The following ATG7 variants were observed in gnomAD, a reference collection of about 807,000 sequenced individuals.
ATG7 encodes autophagy related 7, also known as ubiquitin-like modifier-activating enzyme ATG7.
ATG7 carries 70 observed loss-of-function variants against 82.4 expected under a neutral mutation model. The observed-to-expected ratio is 0.85, with a 90% CI of 0.70 to 1.04. ATG7 has a LOEUF of 1.04. ATG7 is among the 50% of genes least tolerant of loss of function. The probability of loss-of-function intolerance (pLI) is 0.00; values close to 1 mark genes in which losing one functional copy is unlikely to be tolerated. For missense variants in ATG7, 792 were observed against 864.3 expected (o/e 0.92, Z 1.05); for synonymous variants, 287 against 313.0 (o/e 0.92, Z 0.88).
At position 11,400,246 on chromosome 3, in the gene ATG7, A is replaced by T. The variant is rs138604622; in HGVS notation, c.1956+20194A>T. ...CTTAGGCTGTAAGAGACTGAGTCCA[A>T]TGTAAGTTTTCAATAATTTACCCAC... On this transcript the variant is annotated intron_variant, in intron 19 of 20. Coordinates refer to ENST00000693202, the MANE Select transcript of ATG7 (RefSeq NM_001349232.2). Among the ~76,000 whole-genome samples the T allele has an allele frequency of 2.4e-3, 366 of 152,306 alleles. 1 individual carries two copies. Among genetic ancestry groups the T allele is most frequent in the African/African-American group, 7.8e-3 (325 of 41,574 alleles).
chr3:11,283,378 GCTGTATGCCAGGCA>G (rs1157892633), intron 3 of ATG7, among the ~76,000 whole-genome samples: 1 of 152,178 alleles, frequency 6.6e-6, no homozygotes, highest in Non-Finnish European at 1.5e-5. Context: ...TTGACTGCTT[GCTGTATGCCAGGCA>G]CTGTAGCAAG....
chr3:11,521,901 G>C (rs2092453261), intron 20 of ATG7, among the ~76,000 whole-genome samples: 1 of 152,132 alleles, frequency 6.6e-6, no homozygotes, highest in South Asian at 2.1e-4. Context: ...AATGACTCTA[G>C]ACTGCCGCCG....
intron 4 of ATG7, 63 bp from the exon 5 acceptor site, chr3:11,299,299 T>A: frequency 6.7e-7 from 1 of 1,502,954 alleles, no homozygotes; most frequent in South Asian, 1.1e-5. Flanking sequence ...TTCATAAGCA[T>A]TTTTGTTATG....
chr3:11,497,883 G>A (rs1392561018), intron 20 of ATG7, among the ~76,000 whole-genome samples: 4 of 152,106 alleles, frequency 2.6e-5, no homozygotes, highest in Non-Finnish European at 5.9e-5. Context: ...AATGGTTCAC[G>A]AAAGTTGAAA....
intron 9 of ATG7, among the ~76,000 whole-genome samples, chr3:11,321,694 G>A (rs1465759384): frequency 3.3e-5 from 5 of 152,148 alleles, no homozygotes; most frequent in African/African-American, 7.2e-5. Flanking sequence ...TTAATGGGTC[G>A]AACCCTCTGA....
chr3:11,298,848 C>A lies in ATG7; in HGVS notation c.153C>A (p.Tyr51Ter), dbSNP rs1335568457. 1.2e-6 allele frequency: 2 copies of A among 1,613,990 alleles called. No individual in the cohort carries two copies. Among genetic ancestry groups the A allele is most frequent in the African/African-American group, 2.7e-5 (2 of 74,924 alleles). Reference sequence around the variant, plus strand: ...CTCCCAAGGACATTAAGGGTTATTACTACAATGGTAGGTGATTGTAAATTT... The same window carrying A: ...CTCCCAAGGACATTAAGGGTTATTAATACAATGGTAGGTGATTGTAAATTT... ...DEAPKDIKGY[Y>*]YNGDSAGLPA... is the part of the protein sequence containing the mutation. The change falls in exon 4 of 21, where the codon TAC (tyrosine) becomes TAA (stop). Residue 51 changes from tyrosine (Y) to a stop codon, truncating the protein, a stop_gained. Transcript: ENST00000693202. LOFTEE classifies it high-confidence loss of function.
At chr3:11,400,323 C>T (rs1027026184) in intron 19 of ATG7, among the ~76,000 whole-genome samples, 5 of 152,176 alleles carry the variant, frequency 3.3e-5, no homozygotes, top group African/African-American at 1.2e-4. Context: ...GAAACTGAAA[C>T]TGTTCCCTCT....
chr3:11,300,464 A>G (rs114999573), intron 5 of ATG7, among the ~76,000 whole-genome samples: 77 of 152,336 alleles, frequency 5.1e-4, no homozygotes, highest in Admixed American at 1.6e-3. Context: ...GGATTTTGCT[A>G]TCTTCTACAG....
chr3:11,536,452 G>A (rs1283920281), intron 20 of ATG7, among the ~76,000 whole-genome samples: 1 of 152,230 alleles, frequency 6.6e-6, no homozygotes. Flanking sequence ...AACTGCTTTT[G>A]TTTTGTCCTG....
intron 19 of ATG7, among the ~76,000 whole-genome samples, chr3:11,422,238 A>G (rs1415462618): frequency 6.6e-6 from 1 of 152,224 alleles, no homozygotes. Context: ...CCTAGGTGGC[A>G]TCTTCTTCCA....
intron 19 of ATG7, among the ~76,000 whole-genome samples, chr3:11,395,486 G>A (rs1280086098): frequency 1.3e-5 from 2 of 152,122 alleles, no homozygotes; most frequent in African/African-American, 2.4e-5. Context: ...CATCTTAAAA[G>A]CAGTGGGGGA....
chr3:11,507,136 G>T (rs1559770543), intron 20 of ATG7, among the ~76,000 whole-genome samples: 1 of 152,050 alleles, frequency 6.6e-6, no homozygotes, highest in Non-Finnish European at 1.5e-5. Context: ...ACAAAAATTA[G>T]CCAGGTGAGG....
chr3:11,303,917 C>CAAAAAAAA (rs55893689), intron 5 of ATG7, among the ~76,000 whole-genome samples: 4 of 75,896 alleles, frequency 5.3e-5, no homozygotes, highest in Non-Finnish European at 1.0e-4. Context: ...ACTAAAAATG[C>CAAAAAAAA]AAAAAAAAAA....
Position 11,364,691 on chromosome 3 carries a change from G to A in ATG7, c.1832G>A (p.Arg611Gln), listed in dbSNP as rs748217267. Residue 611 changes from arginine to glutamine, a missense_variant, in exon 18 of 21, where the codon CGG becomes CAG. Transcript: ENST00000693202. ...GCCATTGCCAGCAGCAGTGACGATC[G>A]GATGAATGAGCCTCCAACCTCTCTT... is the stretch of plus-strand genomic sequence containing the variant. ...GYAIASSSDD[R>Q]MNEPPTSLGL... The A allele has an allele frequency of 6.2e-7, 1 of 1,614,170 alleles. No homozygotes were observed. Among genetic ancestry groups the A allele is most frequent in the South Asian group, 1.1e-5 (1 of 91,084 alleles).
chr3:11,368,229 T>TAAAAAA (rs760208581), intron 18 of ATG7, among the ~76,000 whole-genome samples: 7 of 109,306 alleles, frequency 6.4e-5, no homozygotes, highest in Non-Finnish European at 9.5e-5. Context: ...TTCTTTTACT[T>TAAAAAA]AAAAAAAAAA....
At chr3:11,333,748 CTTTTTTT>C (rs770412107) in intron 11 of ATG7, among the ~76,000 whole-genome samples, 1 of 138,236 alleles carries the variant, frequency 7.2e-6, no homozygotes, top group South Asian at 2.3e-4. Context: ...GGATATATTT[CTTTTTTT>C]TTTTTTTTTT....
intron 19 of ATG7, among the ~76,000 whole-genome samples, chr3:11,392,459 T>TA (rs1225821610): frequency 1.9e-5 from 2 of 104,068 alleles, no homozygotes; most frequent in Admixed American, 1.8e-4. Context: ...GGGAAATCAT[T>TA]AAAAAAACAA....
chr3:11,319,029 T>G (rs1445899137), intron 9 of ATG7, among the ~76,000 whole-genome samples: 1 of 152,208 alleles, frequency 6.6e-6, no homozygotes, highest in African/African-American at 2.4e-5. Context: ...CACAGAATCT[T>G]GTTTGTCCCC....
intron 20 of ATG7, among the ~76,000 whole-genome samples, chr3:11,524,314 T>C (rs913012010): frequency 6.6e-6 from 1 of 152,202 alleles, no homozygotes; most frequent in Non-Finnish European, 1.5e-5. Flanking sequence ...ACTGGGAAAC[T>C]GGGTTAGAGT....
Sources: allele counts gnomAD v4.1 joint callset (sites outside exome capture counted in the v4.1 genomes callset), GRCh38; gene constraint gnomAD v4.1.1; transcripts MANE v1.5; gene names NCBI Gene and HGNC (gene_info 2026-07-23, HGNC 2026-07-21).